Variants in FAM168A observed in about 807,000 individuals in gnomAD.
FAM168A encodes the protein family with sequence similarity 168 member A, also known as protein FAM168A.
Under a neutral mutation model 28.5 loss-of-function variants are expected in FAM168A, and 3 were observed. That is an observed-to-expected ratio of 0.11 (90% CI 0.05 to 0.27). The LOEUF is 0.27. FAM168A is among the 10% of genes least tolerant of loss of function. FAM168A has a pLI of 1.00. For synonymous variants in FAM168A, 122 were observed against 124.2 expected, an observed-to-expected ratio of 0.98 and a Z score of 0.12; for missense variants, 222 against 311.5, an observed-to-expected ratio of 0.71 and a Z score of 2.16.
rs901790330 is a variant in FAM168A at position 73,547,949 on chromosome 11, G to A, written c.-19+49974C>T. Among the ~76,000 whole-genome samples the A allele has an allele frequency of 7.2e-5, 11 of 151,986 alleles. No individual in the cohort carries two copies. In the South Asian group the frequency reaches 1.0e-3, roughly 14 times the overall value. On this transcript the variant is annotated intron_variant, in intron 1 of 7. Coordinates refer to ENST00000356467, the MANE Select transcript of FAM168A (RefSeq NM_015159.3). ...ACATGCTACAGCATGGATGAATCTCGAAGATATTATACCAAGTGAAATAAG... is the reference window on the plus strand; with the variant it reads ...ACATGCTACAGCATGGATGAATCTCAAAGATATTATACCAAGTGAAATAAG...
intron 1 of FAM168A, among the ~76,000 whole-genome samples, chr11:73,529,548 A>C (rs1565285182): frequency 6.6e-6 from 1 of 152,218 alleles, no homozygotes; most frequent in Non-Finnish European, 1.5e-5. Context: ...AGAGTATATT[A>C]ATATCAACAA....
chr11:73,433,913 T>C (rs1320905496), intron 2 of FAM168A, among the ~76,000 whole-genome samples: 4 of 148,496 alleles, frequency 2.7e-5, no homozygotes, highest in Admixed American at 1.4e-4. Flanking sequence ...TGGCGCTGTA[T>C]TGGCTCACTG....
At chr11:73,576,418 A>G (rs1356932356) in intron 1 of FAM168A, among the ~76,000 whole-genome samples, 3 of 152,230 alleles carry the variant, frequency 2.0e-5, no homozygotes, top group African/African-American at 7.2e-5. Flanking sequence ...TTATACCATT[A>G]TTAAAACAAA....
At chr11:73,498,182 A>G (rs1854932488) in intron 1 of FAM168A, among the ~76,000 whole-genome samples, 1 of 152,170 alleles carries the variant, frequency 6.6e-6, no homozygotes, top group Non-Finnish European at 1.5e-5. Flanking sequence ...AAACATAATA[A>G]GTATGTGAAT....
chr11:73,427,211 T>C (rs904503634), intron 3 of FAM168A, among the ~76,000 whole-genome samples: 1 of 152,090 alleles, frequency 6.6e-6, no homozygotes, highest in Non-Finnish European at 1.5e-5. Flanking sequence ...CAGGATGGTC[T>C]CTATCTCCTG....
At chr11:73,493,365 A>G (rs1198471921) in intron 1 of FAM168A, among the ~76,000 whole-genome samples, 1 of 152,148 alleles carries the variant, frequency 6.6e-6, no homozygotes, top group Non-Finnish European at 1.5e-5. Context: ...GGAAAGGCTC[A>G]CTGTGTCTGT....
At chr11:73,451,753 C>A (rs1867434633) in intron 2 of FAM168A, among the ~76,000 whole-genome samples, 1 of 152,228 alleles carries the variant, frequency 6.6e-6, no homozygotes, top group Non-Finnish European at 1.5e-5. Flanking sequence ...GTACCATCTA[C>A]GTCTGTGTAA....
At chr11:73,409,066 C>G (rs1332678776) in intron 6 of FAM168A, among the ~76,000 whole-genome samples, 1 of 152,056 alleles carries the variant, frequency 6.6e-6, no homozygotes, top group African/African-American at 2.4e-5. Flanking sequence ...ACATCCCTGC[C>G]CTGCTTGACC....
At chr11:73,438,941 A>T (rs930863661) in intron 2 of FAM168A, among the ~76,000 whole-genome samples, 2 of 147,238 alleles carry the variant, frequency 1.4e-5, no homozygotes, top group African/African-American at 2.5e-5. Flanking sequence ...TGCAAGTACT[A>T]TCCCCCCGCC....
intron 2 of FAM168A, among the ~76,000 whole-genome samples, chr11:73,432,976 A>C (rs373815028): frequency 1.5e-4 from 23 of 151,472 alleles, no homozygotes; most frequent in African/African-American, 5.3e-4. Flanking sequence ...TAATGGCAGG[A>C]TCATAGCTCA....
intron 2 of FAM168A, among the ~76,000 whole-genome samples, chr11:73,445,123 G>T (rs1447650594): frequency 6.6e-6 from 1 of 152,114 alleles, no homozygotes; most frequent in African/African-American, 2.4e-5. Flanking sequence ...GCTGGGCGTG[G>T]TGGTGCATCC....
intron 1 of FAM168A, among the ~76,000 whole-genome samples, chr11:73,477,770 C>A (rs576908286): frequency 4.6e-5 from 7 of 152,092 alleles, no homozygotes; most frequent in Non-Finnish European, 8.8e-5. Context: ...TAAACACATT[C>A]CCAGATAAAT....
intron 1 of FAM168A, among the ~76,000 whole-genome samples, chr11:73,578,522 T>C (rs546922651): frequency 6.6e-6 from 1 of 152,204 alleles, no homozygotes; most frequent in Non-Finnish European, 1.5e-5. Flanking sequence ...TTCTTTTTAC[T>C]AACCACTGAC....
intron 2 of FAM168A, among the ~76,000 whole-genome samples, chr11:73,465,178 A>G (rs1044518277): frequency 6.0e-5 from 9 of 150,922 alleles, no homozygotes; most frequent in Middle Eastern, 3.4e-3. Context: ...TTACTCAACC[A>G]AAGTTCCATA....
At chr11:73,455,686 A>G (rs1867518661) in intron 2 of FAM168A, among the ~76,000 whole-genome samples, 1 of 152,242 alleles carries the variant, frequency 6.6e-6, no homozygotes, top group African/African-American at 2.4e-5. Flanking sequence ...GTAATCTTGC[A>G]ATTTAAAGAA....
At chr11:73,530,904 T>C (rs571694626) in intron 1 of FAM168A, among the ~76,000 whole-genome samples, 16 of 152,184 alleles carry the variant, frequency 1.1e-4, no homozygotes, top group African/African-American at 3.9e-4. Flanking sequence ...AAACCTGGGA[T>C]TTGTAGTCCT....
chr11:73,443,638 C>T (rs562291839), intron 2 of FAM168A, among the ~76,000 whole-genome samples: 3 of 152,304 alleles, frequency 2.0e-5, no homozygotes, highest in African/African-American at 7.2e-5. Context: ...AGGTGTCAAA[C>T]TGAGACAACC....
intron 1 of FAM168A, among the ~76,000 whole-genome samples, chr11:73,562,127 G>T (rs1943966304): frequency 6.6e-6 from 1 of 152,224 alleles, no homozygotes; most frequent in African/African-American, 2.4e-5. Flanking sequence ...ATTTATAGTA[G>T]AGATAGGGTT....
At position 73,414,615 on chromosome 11, in the gene FAM168A, G is replaced by T. The variant is rs1866668654; in HGVS notation, c.278-3079C>A. ...TCGCGTGTGATATGGGAACAGTAATGGTACCTACTTCATTGTGATAAATAC... is the reference window on the plus strand; with the variant it reads ...TCGCGTGTGATATGGGAACAGTAATTGTACCTACTTCATTGTGATAAATAC... On this transcript the variant is annotated intron_variant, in intron 4 of 7. Coordinates refer to ENST00000356467, the MANE Select transcript of FAM168A (RefSeq NM_015159.3). Among the ~76,000 whole-genome samples, 3 of 152,142 alleles carry T rather than the reference G, an allele frequency of 2.0e-5. No homozygotes were observed. The South Asian group carries it at 6.2e-4, about 31-fold the overall frequency.
Sources: allele counts gnomAD v4.1 joint callset (sites outside exome capture counted in the v4.1 genomes callset), GRCh38; gene constraint gnomAD v4.1.1; transcripts MANE v1.5; gene names NCBI Gene and HGNC (gene_info 2026-07-23, HGNC 2026-07-21).